The following MAPKAPK5 variants were observed in gnomAD, a reference collection of about 807,000 sequenced individuals.
MAPKAPK5 encodes the protein MAPK activated protein kinase 5.
A neutral mutation model predicts 65.1 loss-of-function variants in MAPKAPK5; 30 were observed. The ratio of observed to expected loss-of-function variants is 0.46; its 90% CI spans 0.34 to 0.63. The LOEUF (loss-of-function observed/expected upper bound fraction) is 0.63. Among genes scored for constraint, MAPKAPK5 ranks in the 20% least tolerant of loss-of-function variants. The probability of loss-of-function intolerance (pLI) is 0.01; values close to 1 mark genes in which losing one functional copy is unlikely to be tolerated. For synonymous variants in MAPKAPK5, 179 were observed against 204.6 expected, an observed-to-expected ratio of 0.87 and a Z score of 1.07; for missense variants, 433 against 581.4, an observed-to-expected ratio of 0.74 and a Z score of 2.63.
At chr12:111,880,062 AGACTGACAT>A (rs1315442731) in intron 7 of MAPKAPK5, 4 of 264,230 alleles carry the variant, frequency 1.5e-5, no homozygotes, top group Non-Finnish European at 3.0e-5. Context: ...CTTAACACCT[AGACTGACAT>A]GACTGTCATA....
At chr12:111,851,248 T>G in intron 1 of MAPKAPK5, among the ~76,000 whole-genome samples, 1 of 151,936 alleles carries the variant, frequency 6.6e-6, no homozygotes, top group African/African-American at 2.4e-5. Context: ...CCACTGAGAA[T>G]CCCATGAGTT....
At chr12:111,879,422 T>G (rs892007450) in intron 7 of MAPKAPK5, 2 of 144,980 alleles carry the variant, frequency 1.4e-5, no homozygotes, top group African/African-American at 5.1e-5. Context: ...GGGATTTTGC[T>G]CTTGTTGCCC....
At chr12:111,860,423 T>C (rs1232846284) in intron 1 of MAPKAPK5, among the ~76,000 whole-genome samples, 1 of 152,196 alleles carries the variant, frequency 6.6e-6, no homozygotes, top group Non-Finnish European at 1.5e-5. Flanking sequence ...GTTTCAGGAT[T>C]TTCCCATTAA....
chr12:111,845,269 C>T (rs1166818169), intron 1 of MAPKAPK5, among the ~76,000 whole-genome samples: 3 of 152,024 alleles, frequency 2.0e-5, no homozygotes, highest in Admixed American at 6.6e-5. Flanking sequence ...GGACTACAGG[C>T]GCACACCACC....
In MAPKAPK5 at chr12:111,842,711, C is replaced by T. The variant is rs753675500; in HGVS notation, c.-23C>T. 5 of 1,373,252 alleles carry T rather than the reference C, an allele frequency of 3.6e-6. No individual in the cohort carries two copies. The highest frequency in any genetic ancestry group is 5.5e-5 in the East Asian group (2 of 36,044). 85.1% of individuals were successfully genotyped at this position (1,373,252 alleles called of 1,614,324 possible). ...GCTGCTGAGCAGCCTCCGCCTCTCC[C>T]GGCTGTGGGGGCCCCACTGAGTATG... On this transcript the variant is annotated 5_prime_UTR_variant, in exon 1 of 14. Coordinates refer to ENST00000550735, the MANE Select transcript of MAPKAPK5 (RefSeq NM_003668.4).
Position 111,883,873 on chromosome 12 carries a change from TC to T in MAPKAPK5, c.848+109del. ...GTCACTGGTTTCCTAGGCAGGCTCC[TC>T]CCCGTTTTAATATCACAGAAATCTC... is the stretch of plus-strand genomic sequence containing the variant. On this transcript the variant is annotated intron_variant, in intron 9 of 13. Coordinates refer to ENST00000550735, the MANE Select transcript of MAPKAPK5 (RefSeq NM_003668.4). The surrounding 1 kb of genome is among the most constrained non-coding windows in gnomAD (Gnocchi z 4.8). The T allele has an allele frequency of 8.6e-7, 1 of 1,161,718 alleles. No individual in the cohort carries two copies. The highest frequency in any genetic ancestry group is 1.2e-6 in the Non-Finnish European group (1 of 838,216). The allele number at this position is 1,161,718 out of a possible 1,614,324, so 72.0% of individuals were successfully genotyped here.
At chr12:111,850,788 C>G (rs1038059405) in intron 1 of MAPKAPK5, among the ~76,000 whole-genome samples, 2 of 152,250 alleles carry the variant, frequency 1.3e-5, no homozygotes, top group South Asian at 4.1e-4. Flanking sequence ...ATGATCAGGA[C>G]TACCCTGGTC....
intron 4 of MAPKAPK5, among the ~76,000 whole-genome samples, chr12:111,868,154 T>C (rs1593152717): frequency 6.6e-6 from 1 of 152,262 alleles, no homozygotes; most frequent in East Asian, 1.9e-4. Context: ...ATTATTCTTT[T>C]AGTTACCAAA....
At chr12:111,875,390 AAAATTTAAAAAAAATTTTTTT>A (rs1566257576) in intron 7 of MAPKAPK5, among the ~76,000 whole-genome samples, 8 of 151,800 alleles carry the variant, frequency 5.3e-5, no homozygotes, top group African/African-American at 1.9e-4. Context: ...CATTTTTTTT[AAAATTTAAAAAAAATTTTTTT>A]AAAATATTCC....
intron 7 of MAPKAPK5, among the ~76,000 whole-genome samples, chr12:111,876,389 C>T (rs2069972680): frequency 6.6e-6 from 1 of 151,784 alleles, no homozygotes; most frequent in African/African-American, 2.4e-5. Flanking sequence ...GTATACCAAA[C>T]CCCTGTGAAG....
At chr12:111,857,712 A>G (rs1026692248) in intron 1 of MAPKAPK5, among the ~76,000 whole-genome samples, 3 of 152,160 alleles carry the variant, frequency 2.0e-5, no homozygotes, top group African/African-American at 7.2e-5. Context: ...GTTTTGTTCA[A>G]TATAGAATTT....
rs1340138794 is a variant in MAPKAPK5, at chr12:111,883,662, C to T, written c.742C>T (p.Arg248Trp). ...YPPFYSKHHS[R>W]TIPKDMRRKI... is the part of the protein sequence containing the mutation. ...TCCTTTTTACTCCAAACACCACAGCCGGACTATCCCAAAGGATATGCGAAG... is the reference window on the plus strand; with the variant it reads ...TCCTTTTTACTCCAAACACCACAGCTGGACTATCCCAAAGGATATGCGAAG... The change falls in exon 9 of 14, where the codon CGG becomes TGG. Residue 248 changes from arginine (R) to tryptophan (W), a missense_variant. Around this residue, in one of 3 missense-constraint regions of MAPKAPK5, gnomAD observed 99 missense variants for 185.8 expected, o/e 0.53. Coordinates refer to ENST00000550735, the MANE Select transcript of MAPKAPK5 (RefSeq NM_003668.4). This position sits in a 1 kb window ranked among gnomAD's most constrained non-coding sequence, Gnocchi z 4.8. The T allele has an allele frequency of 6.8e-6, 11 of 1,613,806 alleles. No homozygotes were observed. The highest frequency in any genetic ancestry group is 1.7e-5 in the Admixed American group (1 of 59,996).
intron 1 of MAPKAPK5, among the ~76,000 whole-genome samples, chr12:111,843,580 G>A (rs7980569): frequency 0.2 from 29,748 of 152,056 alleles, 3,122 homozygotes; most frequent in Middle Eastern, 0.27. Flanking sequence ...TGTTAAGTCA[G>A]CCCAGTGCAT....
intron 1 of MAPKAPK5, chr12:111,843,065 C>CCTA (rs377053897): frequency 3.3e-5 from 13 of 398,486 alleles, no homozygotes; most frequent in South Asian, 2.6e-4. Context: ...CGAAGAGAGC[C>CCTA]CTACTACTAC....
chr12:111,888,328 G>T, intron 10 of MAPKAPK5, 160 bp from the exon 11 acceptor site: 1 of 964,872 alleles, frequency 1.0e-6, no homozygotes, highest in Non-Finnish European at 1.5e-6. Context: ...GTTGATCCAT[G>T]GGGAAAAGTC....
At chr12:111,870,159 T>G (rs755368285) in intron 5 of MAPKAPK5, 112 bp from the exon 6 acceptor site, 75 of 549,530 alleles carry the variant, frequency 1.4e-4, no homozygotes, top group Non-Finnish European at 2.3e-4. Context: ...AAATTGAAAG[T>G]GAACGCAGTC....
At chr12:111,882,776 G>T in intron 8 of MAPKAPK5, 2 of 985,060 alleles carry the variant, frequency 2.0e-6, no homozygotes, top group Non-Finnish European at 2.4e-6. Context: ...TAGACCTTCT[G>T]TTCTTCCCTC....
chr12:111,857,218 T>C (rs1335453514), intron 1 of MAPKAPK5, among the ~76,000 whole-genome samples: 1 of 151,924 alleles, frequency 6.6e-6, no homozygotes, highest in Admixed American at 6.6e-5. Context: ...TTCTGTTCCT[T>C]CTTGTGGATC....
intron 1 of MAPKAPK5, among the ~76,000 whole-genome samples, chr12:111,852,501 T>C (rs1166502104): frequency 6.6e-6 from 1 of 152,238 alleles, no homozygotes; most frequent in Non-Finnish European, 1.5e-5. Context: ...CAATATAGTA[T>C]GTAATACATA....
Sources: gnomAD v4.1 joint callset for allele counts (sites outside exome capture counted in the v4.1 genomes callset) on GRCh38, gnomAD v4.1.1 for gene constraint, gnomAD v4.1.1 regional missense constraint, Gnocchi (gnomAD v3.1) non-coding constraint, MANE v1.5 for transcripts, NCBI Gene and HGNC (gene_info 2026-07-23, HGNC 2026-07-21) for gene names.